The following MCUB variants were observed in gnomAD, a reference collection of about 807,000 sequenced individuals.
The protein encoded by MCUB is mitochondrial calcium uniporter dominant negative subunit beta.
In MCUB, 46 loss-of-function variants were observed where a neutral mutation model predicts 41.4. That is an observed-to-expected ratio of 1.11 (90% CI 0.88 to 1.42). MCUB has a LOEUF of 1.42. Ranked by LOEUF, MCUB falls within the 40% of genes most tolerant of loss-of-function variation. MCUB has a pLI of 0.00. For synonymous variants in MCUB, 148 were observed against 148.2 expected (o/e 1.00, Z 0.01); for missense variants, 403 against 404.9 (o/e 1.00, Z 0.04).
intron 1 of MCUB, among the ~76,000 whole-genome samples, chr4:109,652,586 G>C (rs1211060137): frequency 6.6e-6 from 1 of 152,106 alleles, no homozygotes; most frequent in African/African-American, 2.4e-5. Context: ...AGGGCAAGAG[G>C]CGGAGAGAGA....
At chr4:109,681,022 C>T (rs184173954) in intron 4 of MCUB, among the ~76,000 whole-genome samples, 10 of 152,244 alleles carry the variant, frequency 6.6e-5, no homozygotes, top group Non-Finnish European at 5.9e-5. Flanking sequence ...ACTCTGAAAC[C>T]GTAACTCCTG....
chr4:109,649,842 C>T lies in MCUB; in HGVS notation c.100-9169C>T, dbSNP rs145279886. 1.0e-3 allele frequency among the ~76,000 whole-genome samples: 158 copies of T among 152,136 alleles called. 1 individual carries two copies. Among genetic ancestry groups the T allele is most frequent in the African/African-American group, 3.6e-3 (150 of 41,510 alleles). On this transcript the variant is annotated intron_variant, in intron 1 of 7. Coordinates refer to ENST00000394650, the MANE Select transcript of MCUB (RefSeq NM_017918.5). ...TCCTGCCTCAGCCTCCCAAAGTGTT[C>T]GGATTACACGCATGAGCCACTGCGT...
chr4:109,586,205 C>T (rs548285520), intron 1 of MCUB, among the ~76,000 whole-genome samples: 1 of 152,214 alleles, frequency 6.6e-6, no homozygotes, highest in East Asian at 1.9e-4. Flanking sequence ...TTAATTTGAT[C>T]TTCAATCACT....
intron 1 of MCUB, among the ~76,000 whole-genome samples, chr4:109,563,484 CTATTCTA>C (rs1726689908): frequency 6.6e-6 from 1 of 152,060 alleles, no homozygotes; most frequent in South Asian, 2.1e-4. Context: ...ACATTGTATT[CTATTCTA>C]TAAAACTAAC....
At position 109,687,776 on chromosome 4, in the gene MCUB, G is replaced by T; in HGVS notation, c.*184G>T. 1 of 580,046 alleles carries T rather than the reference G, an allele frequency of 1.7e-6. No individual in the cohort carries two copies. 35.9% of individuals were successfully genotyped at this position (580,046 alleles called of 1,614,324 possible). On this transcript the variant is annotated 3_prime_UTR_variant, in exon 8 of 8. Transcript: ENST00000394650. Reference sequence around the variant, plus strand: ...TTTTGGATTTTTATGACTTGCTAATGTTAGAAAGGGCTTGTATGCGTCTAT... The same window carrying T: ...TTTTGGATTTTTATGACTTGCTAATTTTAGAAAGGGCTTGTATGCGTCTAT...
At chr4:109,561,561 CA>C (rs769119819) in intron 1 of MCUB, among the ~76,000 whole-genome samples, 23 of 152,056 alleles carry the variant, frequency 1.5e-4, no homozygotes, top group Non-Finnish European at 3.4e-4. Flanking sequence ...AATGTAAGAA[CA>C]GGGGCAAACT....
At chr4:109,566,694 G>C (rs923670124) in intron 1 of MCUB, among the ~76,000 whole-genome samples, 2 of 152,066 alleles carry the variant, frequency 1.3e-5, no homozygotes, top group Non-Finnish European at 2.9e-5. Context: ...CCAATTAGAC[G>C]AATCTCCTTG....
chr4:109,579,330 A>G (rs1412983339), intron 1 of MCUB, among the ~76,000 whole-genome samples: 2 of 151,678 alleles, frequency 1.3e-5, no homozygotes, highest in Admixed American at 1.3e-4. Flanking sequence ...GTTCACTGCA[A>G]CCTCCTGCTC....
intron 1 of MCUB, among the ~76,000 whole-genome samples, chr4:109,594,859 C>T (rs1046068498): frequency 5.4e-5 from 8 of 149,504 alleles, no homozygotes; most frequent in Non-Finnish European, 1.5e-5. Flanking sequence ...ATATCAAATA[C>T]CAAAAAGAGA....
chr4:109,566,929 G>A (rs1248572623), intron 1 of MCUB, among the ~76,000 whole-genome samples: 1 of 152,090 alleles, frequency 6.6e-6, no homozygotes, highest in Non-Finnish European at 1.5e-5. Context: ...TGACCAATAT[G>A]GTGAAACCCC....
At chr4:109,590,038 G>C (rs1727396106) in intron 1 of MCUB, among the ~76,000 whole-genome samples, 1 of 152,066 alleles carries the variant, frequency 6.6e-6, no homozygotes, top group Non-Finnish European at 1.5e-5. Context: ...TTTTTAACTA[G>C]GGAGGAATAT....
intron 1 of MCUB, among the ~76,000 whole-genome samples, chr4:109,576,791 G>A (rs916778771): frequency 6.6e-6 from 1 of 152,156 alleles, no homozygotes; most frequent in Non-Finnish European, 1.5e-5. Flanking sequence ...GCAAGATGAA[G>A]GGGTTGTGGA....
At position 109,574,442 on chromosome 4, in the gene MCUB, G is replaced by A. The variant is rs183669191; in HGVS notation, c.99+14006G>A. 2.4e-3 allele frequency among the ~76,000 whole-genome samples: 369 copies of A among 152,250 alleles called. 1 individual carries two copies. Among genetic ancestry groups the A allele is most frequent in the African/African-American group, 8.3e-3 (345 of 41,540 alleles). On this transcript the variant is annotated intron_variant, in intron 1 of 7. Coordinates refer to ENST00000394650, the MANE Select transcript of MCUB (RefSeq NM_017918.5). ...AAGCTAAAGAAGCACTGGAAAAACT[G>A]CCAACACAGCTAGAGCCTGGTGCTG...
chr4:109,670,598 C>T (rs1280337985), intron 4 of MCUB, among the ~76,000 whole-genome samples: 2 of 151,854 alleles, frequency 1.3e-5, no homozygotes, highest in African/African-American at 2.4e-5. Flanking sequence ...TGCCTGTAAT[C>T]ACAGGTACTC....
At chr4:109,571,255 G>A (rs1726907563) in intron 1 of MCUB, among the ~76,000 whole-genome samples, 1 of 151,684 alleles carries the variant, frequency 6.6e-6, no homozygotes, top group Non-Finnish European at 1.5e-5. Context: ...ATATCTTTCT[G>A]GTTCAGAGTA....
chr4:109,619,030 G>GCCTGCCTACCTACCTA (rs1554017841), intron 1 of MCUB, among the ~76,000 whole-genome samples: 3 of 118,706 alleles, frequency 2.5e-5, no homozygotes. Context: ...CTACCTGCCT[G>GCCTGCCTACCTACCTA]CCTACCTACC....
intron 4 of MCUB, among the ~76,000 whole-genome samples, chr4:109,675,665 TGTG>T (rs1729559410): frequency 6.6e-6 from 1 of 152,202 alleles, no homozygotes; most frequent in Admixed American, 6.5e-5. Flanking sequence ...TCCCCAGTGT[TGTG>T]GTGTTGGGAT....
chr4:109,634,517 G>T (rs1209204109), intron 1 of MCUB, among the ~76,000 whole-genome samples: 1 of 149,470 alleles, frequency 6.7e-6, no homozygotes, highest in Non-Finnish European at 1.5e-5. Flanking sequence ...GTGTCTCCAT[G>T]CTCCGTTTTA....
chr4:109,666,334 C>T (rs1190652920), intron 4 of MCUB, among the ~76,000 whole-genome samples: 1 of 152,144 alleles, frequency 6.6e-6, no homozygotes, highest in Non-Finnish European at 1.5e-5. Context: ...TGATTGCTGG[C>T]ACATATGGTG....
Sources: allele counts gnomAD v4.1 joint callset (sites outside exome capture counted in the v4.1 genomes callset), GRCh38; gene constraint gnomAD v4.1.1; transcripts MANE v1.5; gene names NCBI Gene and HGNC (gene_info 2026-07-23, HGNC 2026-07-21).